Variants in SPIRE1 observed in about 807,000 individuals in gnomAD.
SPIRE1 encodes spire type actin nucleation factor 1, also known as protein spire homolog 1.
A neutral mutation model predicts 94.1 loss-of-function variants in SPIRE1; 40 were observed. The ratio of observed to expected loss-of-function variants is 0.43; its 90% CI spans 0.33 to 0.55. The LOEUF (loss-of-function observed/expected upper bound fraction) is 0.55, where lower values mean the gene tolerates loss of function less well. Ranked by LOEUF, SPIRE1 falls within the 20% of genes least tolerant of loss-of-function variation. The pLI is 0.06. For missense variants in SPIRE1, 838 were observed against 975.2 expected, an observed-to-expected ratio of 0.86 and a Z score of 1.87; for synonymous variants, 376 against 371.7, an observed-to-expected ratio of 1.01 and a Z score of -0.13.
chr18:12,609,591 C>T (rs148837207), intron 2 of SPIRE1, among the ~76,000 whole-genome samples: 89 of 152,312 alleles, frequency 5.8e-4, no homozygotes, highest in African/African-American at 2.0e-3. Context: ...CCAGTCTCAA[C>T]GATCTGAGAC....
rs1662661706 is a variant in SPIRE1, at chr18:12,590,043, C to T, written c.373-43139G>A. Among the ~76,000 whole-genome samples, 5 of 80,356 alleles carry T rather than the reference C, an allele frequency of 6.2e-5. No individual in the cohort carries two copies. The South Asian group carries it at 2.9e-3, about 46-fold the overall frequency. The allele number at this position is 80,356 out of a possible 152,430, so 52.7% of individuals were successfully genotyped here. A position where few individuals can be genotyped will look rare whatever the true frequency, so the allele number is the denominator to read the frequency against. On this transcript the variant is annotated intron_variant, in intron 2 of 16. Coordinates refer to ENST00000409402, the MANE Select transcript of SPIRE1 (RefSeq NM_001128626.2). ...TTAATCTTGCCTAGTAACATTTTTCCTATGCAGTAACTGAAAAAGCCATCC... is the reference window on the plus strand; with the variant it reads ...TTAATCTTGCCTAGTAACATTTTTCTTATGCAGTAACTGAAAAAGCCATCC...
chr18:12,650,876 C>CAAA (rs34966832), intron 1 of SPIRE1, among the ~76,000 whole-genome samples: 14 of 74,188 alleles, frequency 1.9e-4, no homozygotes, highest in Non-Finnish European at 2.9e-4. Flanking sequence ...GACCCTGTCT[C>CAAA]AAAAAAAAAA....
At chr18:12,635,135 CA>C in intron 1 of SPIRE1, 39 bp from the exon 2 acceptor site, 1 of 1,131,334 alleles carries the variant, frequency 8.8e-7, no homozygotes, top group South Asian at 1.4e-5. Flanking sequence ...AAAAAGATTT[CA>C]GCTTTTTTAA....
chr18:12,555,055 C>T (rs571079628), intron 2 of SPIRE1, among the ~76,000 whole-genome samples: 102 of 152,256 alleles, frequency 6.7e-4, no homozygotes, highest in South Asian at 2.1e-3. Context: ...CTTTTCCTCA[C>T]CCCTCCCTAA....
chr18:12,465,051 A>G (rs2032034038), intron 10 of SPIRE1, 93 bp from the exon 11 acceptor site: 1 of 1,067,736 alleles, frequency 9.4e-7, no homozygotes, highest in Non-Finnish European at 1.4e-6. Context: ...TTATTTTAAC[A>G]TGAGGCACCA....
At chr18:12,533,968 C>CACAA (rs1491242694) in intron 4 of SPIRE1, among the ~76,000 whole-genome samples, 1 of 145,798 alleles carries the variant, frequency 6.9e-6, no homozygotes, top group Non-Finnish European at 1.5e-5. Context: ...CACACACACA[C>CACAA]AACTTATTTA....
intron 4 of SPIRE1, among the ~76,000 whole-genome samples, chr18:12,534,486 A>G (rs1283868264): frequency 6.6e-6 from 1 of 152,228 alleles, no homozygotes; most frequent in African/African-American, 2.4e-5. Context: ...GTGTTACCAG[A>G]GGATACTAGT....
intron 1 of SPIRE1, among the ~76,000 whole-genome samples, chr18:12,646,558 G>A (rs2144872575): frequency 1.3e-5 from 2 of 152,080 alleles, no homozygotes; most frequent in South Asian, 4.2e-4. Context: ...CCAAACCCTG[G>A]GACCAGGCAA....
At chr18:12,588,559 T>A (rs1018070643) in intron 2 of SPIRE1, 2 of 151,528 alleles carry the variant, frequency 1.3e-5, no homozygotes, top group African/African-American at 4.9e-5. Flanking sequence ...ACTGGAAAAT[T>A]ACTGACTTCA....
chr18:12,451,934 T>G (rs575997425), intron 16 of SPIRE1, among the ~76,000 whole-genome samples: 30 of 152,338 alleles, frequency 2.0e-4, no homozygotes, highest in African/African-American at 7.0e-4. Context: ...AGGATGAGAC[T>G]GTTACATTCC....
intron 11 of SPIRE1, among the ~76,000 whole-genome samples, chr18:12,464,334 T>C (rs1197927164): frequency 2.6e-5 from 4 of 152,176 alleles, no homozygotes; most frequent in Non-Finnish European, 4.4e-5. Context: ...TTTTTGTGTA[T>C]GAGAAATCAA....
intron 3 of SPIRE1, among the ~76,000 whole-genome samples, chr18:12,539,958 GA>G: frequency 6.6e-6 from 1 of 151,118 alleles, no homozygotes; most frequent in South Asian, 2.1e-4. Flanking sequence ...GAAAGAAAAA[GA>G]AAAAGAAAGC....
At chr18:12,582,007 G>C (rs8093129) in intron 2 of SPIRE1, among the ~76,000 whole-genome samples, 84,699 of 152,062 alleles carry the variant, frequency 0.56, 24,720 homozygotes, top group Middle Eastern at 0.75. Flanking sequence ...TTCCCATAAA[G>C]TTTGCTCCTT....
Position 12,489,969 on chromosome 18 carries a change from AC to A in SPIRE1, c.1189+3102del, listed in dbSNP as rs2033175740. On this transcript the variant is annotated intron_variant, in intron 8 of 16. Transcript: ENST00000409402. ...GAAAGTGATACAAATATTTAGGGAA[AC>A]TTTTCTTCAAGTTAATTCTGCCAAT... Among the ~76,000 whole-genome samples the A allele has an allele frequency of 5.3e-5, 8 of 152,294 alleles. 1 individual carries two copies. In the South Asian group the frequency reaches 1.7e-3, roughly 32 times the overall value.
At chr18:12,494,248 A>AT (rs2099636670) in intron 7 of SPIRE1, among the ~76,000 whole-genome samples, 1 of 152,020 alleles carries the variant, frequency 6.6e-6, no homozygotes. Context: ...TAAAACTAAC[A>AT]TTTTTTAGTA....
chr18:12,533,358 T>G (rs2034743483), intron 4 of SPIRE1, among the ~76,000 whole-genome samples: 1 of 152,200 alleles, frequency 6.6e-6, no homozygotes, highest in Non-Finnish European at 1.5e-5. Flanking sequence ...TTGAGCCTCT[T>G]TTTGAAAGTG....
intron 3 of SPIRE1, 39 bp downstream of exon 3, chr18:12,546,633 ACT>A (rs780956518): frequency 6.9e-7 from 1 of 1,440,480 alleles, no homozygotes; most frequent in South Asian, 1.1e-5. Flanking sequence ...AGAAATAACA[ACT>A]CTTGAAAAAA....
chr18:12,657,437 G>A, intron 1 of SPIRE1, 93 bp downstream of exon 1: 1 of 1,047,510 alleles, frequency 9.5e-7, no homozygotes, highest in Non-Finnish European at 1.2e-6. Context: ...GGGGGGGGAC[G>A]GCGGGGGCGG....
rs1018494076 is a variant in SPIRE1 at position 12,593,513 on chromosome 18, T to C, written c.372+41549A>G. Among the ~76,000 whole-genome samples, 3 of 152,322 alleles carry C rather than the reference T, an allele frequency of 2.0e-5. No individual in the cohort carries two copies. In the South Asian group the frequency reaches 6.2e-4, roughly 32 times the overall value. ...GATCCACGCTGAAGACCAGGAAATGTTTCATGCATTTGCCATTTGAAAGAA... is the reference window on the plus strand; with the variant it reads ...GATCCACGCTGAAGACCAGGAAATGCTTCATGCATTTGCCATTTGAAAGAA... On this transcript the variant is annotated intron_variant, in intron 2 of 16. Coordinates refer to ENST00000409402, the MANE Select transcript of SPIRE1 (RefSeq NM_001128626.2).
Sources: allele counts gnomAD v4.1 joint callset (sites outside exome capture counted in the v4.1 genomes callset), GRCh38; gene constraint gnomAD v4.1.1; transcripts MANE v1.5; gene names NCBI Gene and HGNC (gene_info 2026-07-23, HGNC 2026-07-21).